Variants in AUTS2 observed in about 807,000 individuals in gnomAD.
AUTS2 encodes the protein autism susceptibility gene 2 protein.
Under a neutral mutation model 112.4 loss-of-function variants are expected in AUTS2, and 17 were observed. The observed-to-expected ratio is 0.15, with a 90% CI of 0.10 to 0.23. The LOEUF is 0.23. Among genes scored for constraint, AUTS2 ranks in the 10% least tolerant of loss-of-function variants. The pLI is 1.00. For synonymous variants in AUTS2, 751 were observed against 702.7 expected (o/e 1.07, Z -1.09); for missense variants, 1,510 against 1,701.6 (o/e 0.89, Z 1.98).
intron 1 of AUTS2, among the ~76,000 whole-genome samples, chr7:69,699,050 C>T (rs887873539): frequency 2.6e-5 from 4 of 152,070 alleles, no homozygotes; most frequent in Non-Finnish European, 4.4e-5. Context: ...ATATATATGG[C>T]GAGGTGTGTC....
chr7:70,114,038 A>G (rs2058382), intron 2 of AUTS2, among the ~76,000 whole-genome samples: 46,038 of 152,158 alleles, frequency 0.3, 8,497 homozygotes, highest in Non-Finnish European at 0.41. Flanking sequence ...AAAACAAACT[A>G]GCTTCTTATA....
At chr7:69,730,478 C>T (rs1786744819) in intron 1 of AUTS2, among the ~76,000 whole-genome samples, 1 of 152,084 alleles carries the variant, frequency 6.6e-6, no homozygotes, top group African/African-American at 2.4e-5. Flanking sequence ...CTCTCCTTAC[C>T]TGCTGTGCTA....
intron 2 of AUTS2, among the ~76,000 whole-genome samples, chr7:69,973,986 T>C (rs1797958973): frequency 6.6e-6 from 1 of 152,154 alleles, no homozygotes; most frequent in East Asian, 1.9e-4. Context: ...GAAGAGATTA[T>C]GTATAATTGG....
intron 1 of AUTS2, among the ~76,000 whole-genome samples, chr7:69,861,041 C>G (rs1231180314): frequency 2.6e-5 from 4 of 152,130 alleles, no homozygotes; most frequent in African/African-American, 7.2e-5. Context: ...GCCCACCTCA[C>G]AGGCAATGCA....
chr7:70,162,950 T>C (rs943606333), intron 4 of AUTS2, among the ~76,000 whole-genome samples: 31 of 152,312 alleles, frequency 2.0e-4, no homozygotes, highest in Admixed American at 3.3e-4. Context: ...GAACGACTTA[T>C]AACGGCTGTG....
chr7:69,911,253 G>A (rs565380210), intron 2 of AUTS2, among the ~76,000 whole-genome samples: 1 of 152,278 alleles, frequency 6.6e-6, no homozygotes, highest in South Asian at 2.1e-4. Flanking sequence ...TCCACTGTGG[G>A]CACCCCTGTC....
chr7:69,811,255 C>T (rs530015015), intron 1 of AUTS2, among the ~76,000 whole-genome samples: 1 of 151,898 alleles, frequency 6.6e-6, no homozygotes, highest in Non-Finnish European at 1.5e-5. Flanking sequence ...TAAAACTTGA[C>T]CTAACACTCA....
chr7:70,186,433 G>A (rs150835633), intron 4 of AUTS2, among the ~76,000 whole-genome samples: 46 of 151,936 alleles, frequency 3.0e-4, no homozygotes, highest in African/African-American at 9.9e-4. Flanking sequence ...TTTTGATGGT[G>A]GTTATATTTT....
intron 5 of AUTS2, among the ~76,000 whole-genome samples, chr7:70,495,416 G>A (rs911683616): frequency 5.9e-5 from 9 of 151,958 alleles, no homozygotes; most frequent in Non-Finnish European, 7.4e-5. Context: ...TGTCCAAGGC[G>A]TTGTCTAGAA....
rs555438354 is a variant in AUTS2 at position 70,600,759 on chromosome 7, C to A, written c.691-97810C>A. Among the ~76,000 whole-genome samples, 3 of 152,322 alleles carry A rather than the reference C, an allele frequency of 2.0e-5. No homozygotes were observed. In the East Asian group the frequency reaches 5.8e-4, roughly 29 times the overall value. ...TTCTGTCACTGTGAATTTGCCTGTTCTTGATACTTTATTTAACTTGAGTAA... is the reference window on the plus strand; with the variant it reads ...TTCTGTCACTGTGAATTTGCCTGTTATTGATACTTTATTTAACTTGAGTAA... On this transcript the variant is annotated intron_variant, in intron 5 of 18. Transcript: ENST00000342771.
At chr7:70,588,326 A>G (rs1012277446) in intron 5 of AUTS2, among the ~76,000 whole-genome samples, 2 of 151,890 alleles carry the variant, frequency 1.3e-5, no homozygotes, top group African/African-American at 4.8e-5. Flanking sequence ...CAAAAATCAG[A>G]CTCTTTCCTG....
intron 1 of AUTS2, among the ~76,000 whole-genome samples, chr7:69,854,728 A>G (rs1792642934): frequency 6.6e-6 from 1 of 152,108 alleles, no homozygotes; most frequent in Admixed American, 6.5e-5. Context: ...TTAATTCAGC[A>G]ATTATTTATA....
intron 2 of AUTS2, among the ~76,000 whole-genome samples, chr7:69,940,909 G>C (rs1034107797): frequency 1.3e-5 from 2 of 152,162 alleles, no homozygotes; most frequent in African/African-American, 4.8e-5. Context: ...GTCAGAAGAA[G>C]GTTACAATGT....
intron 4 of AUTS2, chr7:70,317,149 A>G (rs1790034092): frequency 6.6e-6 from 1 of 152,048 alleles, no homozygotes; most frequent in Non-Finnish European, 1.5e-5. Context: ...ATCCTTGTTT[A>G]TCTTTTTCTC....
chr7:70,151,864 G>C (rs1807459342), intron 4 of AUTS2, among the ~76,000 whole-genome samples: 1 of 152,056 alleles, frequency 6.6e-6, no homozygotes, highest in Admixed American at 6.6e-5. Flanking sequence ...GACATTCAAG[G>C]AACCAGGAGA....
intron 5 of AUTS2, among the ~76,000 whole-genome samples, chr7:70,497,635 G>T (rs1798607689): frequency 6.6e-6 from 1 of 152,198 alleles, no homozygotes; most frequent in African/African-American, 2.4e-5. Flanking sequence ...CTGAAAGGTA[G>T]ATTTTCTTGG....
intron 4 of AUTS2, among the ~76,000 whole-genome samples, chr7:70,335,517 T>C (rs1314718102): frequency 1.3e-5 from 2 of 152,246 alleles, no homozygotes; most frequent in African/African-American, 2.4e-5. Flanking sequence ...CTGTCCTTTC[T>C]AGAGACCTTC....
intron 2 of AUTS2, among the ~76,000 whole-genome samples, chr7:69,929,683 T>C (rs940244814): frequency 6.6e-6 from 1 of 152,244 alleles, no homozygotes; most frequent in Non-Finnish European, 1.5e-5. Flanking sequence ...GTTTCATTTC[T>C]AAAGATTTGG....
chr7:70,120,088 A>T (rs1387386014), intron 3 of AUTS2: 1 of 152,140 alleles, frequency 6.6e-6, no homozygotes, highest in Non-Finnish European at 1.5e-5. Context: ...AAACGGTTGG[A>T]GACCACTCTA....
Sources: allele counts gnomAD v4.1 joint callset (sites outside exome capture counted in the v4.1 genomes callset), GRCh38; gene constraint gnomAD v4.1.1; transcripts MANE v1.5; gene names NCBI Gene and HGNC (gene_info 2026-07-23, HGNC 2026-07-21).